The following SNRPD3 variants were observed in gnomAD, a reference collection of about 807,000 sequenced individuals.
SNRPD3 encodes the protein small nuclear ribonucleoprotein D3 polypeptide, also known as small nuclear ribonucleoprotein Sm D3.
For missense variants in SNRPD3, 73 were observed against 167.5 expected (o/e 0.44, Z 3.11); for synonymous variants, 66 against 58.4 (o/e 1.13, Z -0.59).
chr22:24,572,545 G>C lies in SNRPD3; in HGVS notation c.*568G>C, dbSNP rs925533195. On this transcript the variant is annotated 3_prime_UTR_variant, in exon 4 of 4. Transcript: ENST00000215829. ...TGGGAGGCCAAGGCGGGCGGATCAC[G>C]AGGTCAGGAGTTCGAGACCAGCCTG... 5.4e-6 allele frequency: 1 copy of C among 186,452 alleles called. No homozygotes were observed. The highest frequency in any genetic ancestry group is 1.1e-5 in the Non-Finnish European group (1 of 89,432). 11.5% of individuals were successfully genotyped at this position (186,452 alleles called of 1,614,324 possible). A position where few individuals can be genotyped will look rare whatever the true frequency, so the allele number is the denominator to read the frequency against.
At chr22:24,557,009 A>G (rs1329071338) in intron 1 of SNRPD3, among the ~76,000 whole-genome samples, 1 of 152,212 alleles carries the variant, frequency 6.6e-6, no homozygotes, top group Non-Finnish European at 1.5e-5. Flanking sequence ...GAAGGGTTAA[A>G]GGGCTGAATT....
chr22:24,568,166 C>G lies in SNRPD3; in HGVS notation c.309C>G (p.Leu103=). Residue 103 remains leucine, a synonymous_variant, in exon 3 of 4, where the codon CTC becomes CTG. Transcript: ENST00000215829. ...SGAGRGKAAI[L]KAQVAARGRG... ...CTGGCCGAGGAAAAGCTGCTATTCT[C>G]AAGGCCCAAGGTAGGTGCTTTTCAT... 4 of 1,612,514 alleles carry G rather than the reference C, an allele frequency of 2.5e-6. 1 individual carries two copies. In the South Asian group the frequency reaches 4.4e-5, roughly 18 times the overall value.
rs781207098 is a variant in SNRPD3, at chr22:24,557,659, C to T, written c.-16C>T. On this transcript the variant is annotated splice_region_variant and 5_prime_UTR_variant, in exon 2 of 4. Transcript: ENST00000215829. Reference sequence around the variant, plus strand: ...GACTGTTGTCTCTCTCATTGTAGAACTCTCTTCCTGCCAAGATGTCTATTG... The same window carrying T: ...GACTGTTGTCTCTCTCATTGTAGAATTCTCTTCCTGCCAAGATGTCTATTG... 2.5e-6 allele frequency: 4 copies of T among 1,610,290 alleles called. No individual in the cohort carries two copies. Among genetic ancestry groups the T allele is most frequent in the Non-Finnish European group, 2.5e-6 (3 of 1,177,574 alleles).
Position 24,556,015 on chromosome 22 carries a change from C to G in SNRPD3, c.-75C>G, listed in dbSNP as rs1320460126. 3.1e-6 allele frequency: 2 copies of G among 636,772 alleles called. No individual in the cohort carries two copies. The highest frequency in any genetic ancestry group is 3.7e-5 in the African/African-American group (2 of 54,646). 39.4% of individuals were successfully genotyped at this position (636,772 alleles called of 1,614,324 possible). A position where few individuals can be genotyped will look rare whatever the true frequency, so the allele number is the denominator to read the frequency against. On this transcript the variant is annotated 5_prime_UTR_variant, in exon 1 of 4. Transcript: ENST00000215829. ...AGGCCCGCCATTCGCTTGACTCACG[C>G]CTTCGCCGTAGCATCTTTCGCAGCG... is the stretch of plus-strand genomic sequence containing the variant.
In SNRPD3 at chr22:24,572,125, T is replaced by G. The variant is rs985315301; in HGVS notation, c.*148T>G. 3.0e-5 allele frequency: 43 copies of G among 1,430,526 alleles called. No individual in the cohort carries two copies. The highest frequency in any genetic ancestry group is 4.0e-5 in the Admixed American group (2 of 49,432). 88.6% of individuals were successfully genotyped at this position (1,430,526 alleles called of 1,614,324 possible). A position where few individuals can be genotyped will look rare whatever the true frequency, so the allele number is the denominator to read the frequency against. The stretch of plus-strand genomic sequence containing the variant: ...GTTTAAGCTAAATAAATCTGGGGGG[T>G]TTTTTGTTCTGTTTTGTTTTGTTTT... On this transcript the variant is annotated 3_prime_UTR_variant, in exon 4 of 4. Coordinates refer to ENST00000215829, the MANE Select transcript of SNRPD3 (RefSeq NM_004175.5).
At chr22:24,570,945 A>G (rs1403632085) in intron 3 of SNRPD3, among the ~76,000 whole-genome samples, 1 of 151,078 alleles carries the variant, frequency 6.6e-6, no homozygotes, top group Non-Finnish European at 1.5e-5. Flanking sequence ...CAGCCTCCCA[A>G]GTAACTGGGA....
Position 24,572,123 on chromosome 22 carries a change from G to A in SNRPD3, c.*146G>A. The A allele has an allele frequency of 6.9e-7, 1 of 1,449,888 alleles. No individual in the cohort carries two copies. Among genetic ancestry groups the A allele is most frequent in the Admixed American group, 2.0e-5 (1 of 49,706 alleles). The allele number at this position is 1,449,888 out of a possible 1,614,324, so 89.8% of individuals were successfully genotyped here. On this transcript the variant is annotated 3_prime_UTR_variant, in exon 4 of 4. Coordinates refer to ENST00000215829, the MANE Select transcript of SNRPD3 (RefSeq NM_004175.5). ...ATGTTTAAGCTAAATAAATCTGGGGGGTTTTTTGTTCTGTTTTGTTTTGTT... is the reference window on the plus strand; with the variant it reads ...ATGTTTAAGCTAAATAAATCTGGGGAGTTTTTTGTTCTGTTTTGTTTTGTT...
At position 24,574,360 on chromosome 22, in the gene SNRPD3, A is replaced by G. The variant is rs75797335; in HGVS notation, c.*2383A>G. Among the ~76,000 whole-genome samples the G allele has an allele frequency of 1.1e-3, 165 of 152,282 alleles. 1 individual carries two copies. The highest frequency in any genetic ancestry group is 3.4e-3 in the Middle Eastern group (1 of 294). ...TATATCCTGCATCTTAGGGGGGAAAATCAGTTGACGCAGATTGAAAACAAG... is the reference window on the plus strand; with the variant it reads ...TATATCCTGCATCTTAGGGGGGAAAGTCAGTTGACGCAGATTGAAAACAAG... On this transcript the variant is annotated 3_prime_UTR_variant, in exon 4 of 4. Coordinates refer to ENST00000215829, the MANE Select transcript of SNRPD3 (RefSeq NM_004175.5).
intron 2 of SNRPD3, among the ~76,000 whole-genome samples, chr22:24,566,648 G>A (rs1408078688): frequency 1.3e-5 from 2 of 152,256 alleles, no homozygotes; most frequent in East Asian, 3.8e-4. Context: ...TAAGATGGCA[G>A]CTAGCCAGAC....
At position 24,561,064 on chromosome 22, in the gene SNRPD3, CTTT is replaced by C. The variant is rs1164120857; in HGVS notation, c.126+3287_126+3289del. On this transcript the variant is annotated intron_variant, in intron 2 of 3. Transcript: ENST00000215829. ...TTTTTTTTCTTTTCCTTTTTCTTTT[CTTT>C]TTTTTTTTTTTTTTTTTTTTTTGAG... Among the ~76,000 whole-genome samples the C allele has an allele frequency of 2.8e-3, 175 of 61,682 alleles. 1 individual carries two copies. Among genetic ancestry groups the C allele is most frequent in the African/African-American group, 0.013 (167 of 13,074 alleles). 40.5% of individuals were successfully genotyped at this position (61,682 alleles called of 152,430 possible).
intron 2 of SNRPD3, among the ~76,000 whole-genome samples, chr22:24,564,930 C>T (rs2045182983): frequency 6.9e-6 from 1 of 144,612 alleles, no homozygotes; most frequent in African/African-American, 2.6e-5. Flanking sequence ...GTTGCCCAGG[C>T]TGGAATGCAG....
intron 1 of SNRPD3, 147 bp from the exon 2 acceptor site, chr22:24,557,510 G>GC (rs1397280933): frequency 2.4e-5 from 10 of 410,696 alleles, no homozygotes; most frequent in Non-Finnish European, 3.6e-5. Context: ...CAGGAGCTGA[G>GC]CTTTTTTTTT....
At chr22:24,561,331 C>T (rs752805449) in intron 2 of SNRPD3, among the ~76,000 whole-genome samples, 2 of 152,100 alleles carry the variant, frequency 1.3e-5, no homozygotes, top group Non-Finnish European at 2.9e-5. Context: ...GCCTCAGTCT[C>T]TCAAACTCCT....
At chr22:24,557,511 CT>C (rs11427005) in intron 1 of SNRPD3, 145 bp from the exon 2 acceptor site, 1,422 of 415,020 alleles carry the variant, frequency 3.4e-3, no homozygotes, top group East Asian at 1.0e-2. Context: ...AGGAGCTGAG[CT>C]TTTTTTTTTT....
upstream of SNRPD3, chr22:24,555,808 GC>G: frequency 2.6e-6 from 4 of 1,547,714 alleles, no homozygotes; most frequent in Non-Finnish European, 1.7e-6. Flanking sequence ...CGTTGCGGCG[GC>G]CCCCGGGCCC....
intron 2 of SNRPD3, among the ~76,000 whole-genome samples, chr22:24,558,349 G>A (rs1011927332): frequency 6.6e-6 from 1 of 152,152 alleles, no homozygotes; most frequent in African/African-American, 2.4e-5. Flanking sequence ...CCTTCTCATG[G>A]CACAACTTTG....
Position 24,572,530 on chromosome 22 carries a change from A to G in SNRPD3, c.*553A>G, listed in dbSNP as rs1310764349. Reference sequence around the variant, plus strand: ...GTAATCCCAGCACTTTGGGAGGCCAAGGCGGGCGGATCACGAGGTCAGGAG... The same window carrying G: ...GTAATCCCAGCACTTTGGGAGGCCAGGGCGGGCGGATCACGAGGTCAGGAG... On this transcript the variant is annotated 3_prime_UTR_variant, in exon 4 of 4. Coordinates refer to ENST00000215829, the MANE Select transcript of SNRPD3 (RefSeq NM_004175.5). 1.2e-4 allele frequency: 23 copies of G among 191,674 alleles called. No homozygotes were observed. Among genetic ancestry groups the G allele is most frequent in the Non-Finnish European group, 2.2e-5 (2 of 92,658 alleles). 11.9% of individuals were successfully genotyped at this position (191,674 alleles called of 1,614,324 possible).
chr22:24,570,864 G>A (rs1323059969), intron 3 of SNRPD3, among the ~76,000 whole-genome samples: 1 of 132,874 alleles, frequency 7.5e-6, no homozygotes, highest in Non-Finnish European at 1.5e-5. Context: ...CACCCAGGCT[G>A]CAGTGCGGTG....
chr22:24,555,705 C>T, upstream of SNRPD3: 1 of 1,550,694 alleles, frequency 6.4e-7, no homozygotes, highest in Non-Finnish European at 8.7e-7. Flanking sequence ...AGGGCCCAAG[C>T]CCCGCGTCTC....
Sources: allele counts gnomAD v4.1 joint callset (sites outside exome capture counted in the v4.1 genomes callset), GRCh38; gene constraint gnomAD v4.1.1; transcripts MANE v1.5; gene names NCBI Gene and HGNC (gene_info 2026-07-23, HGNC 2026-07-21).